LRP6: variants seen among roughly 807,000 people sequenced by gnomAD.
LRP6 encodes low-density lipoprotein receptor-related protein 6.
In LRP6, 43 loss-of-function variants were observed where a neutral mutation model predicts 184.1. The observed-to-expected ratio is 0.23, with a 90% CI of 0.18 to 0.30. The LOEUF (loss-of-function observed/expected upper bound fraction) is 0.30, where lower values mean the gene tolerates loss of function less well. Ranked by LOEUF, LRP6 falls within the 10% of genes least tolerant of loss-of-function variation. The probability of loss-of-function intolerance (pLI) is 1.00; values close to 1 mark genes in which losing one functional copy is unlikely to be tolerated. For synonymous variants in LRP6, 719 were observed against 684.9 expected (o/e 1.05, Z -0.78); for missense variants, 1,571 against 2,005.3 (o/e 0.78, Z 4.14).
intron 12 of LRP6, 96 bp from the exon 13 acceptor site, chr12:12,151,134 A>G: frequency 1.8e-6 from 2 of 1,106,386 alleles, no homozygotes; most frequent in East Asian, 5.1e-5. Flanking sequence ...TTTCATACAA[A>G]ACAGACATAG....
chr12:12,169,234 GATA>G (rs544964479), intron 7 of LRP6, among the ~76,000 whole-genome samples: 17 of 148,732 alleles, frequency 1.1e-4, no homozygotes, highest in Non-Finnish European at 1.6e-4. Context: ...GCCTCAAAAT[GATA>G]ATAATAATAA....
chr12:12,228,777 C>T (rs77660040), intron 2 of LRP6, among the ~76,000 whole-genome samples: 2 of 152,222 alleles, frequency 1.3e-5, no homozygotes, highest in South Asian at 2.1e-4. Flanking sequence ...CCACCCACCC[C>T]GCTACTGCCC....
At chr12:12,125,256 T>G (rs973464461) in intron 21 of LRP6, 40 bp downstream of exon 21, 1 of 1,610,952 alleles carries the variant, frequency 6.2e-7, no homozygotes, top group Non-Finnish European at 8.5e-7. Context: ...AAATCTAAGA[T>G]CTTATGTATG....
chr12:12,196,357 C>G (rs1373650172), intron 3 of LRP6, among the ~76,000 whole-genome samples: 1 of 151,872 alleles, frequency 6.6e-6, no homozygotes, highest in Non-Finnish European at 1.5e-5. Flanking sequence ...GTATGTATCC[C>G]TCTTCAATTT....
intron 2 of LRP6, among the ~76,000 whole-genome samples, chr12:12,203,717 G>T (rs1863976319): frequency 6.6e-6 from 1 of 152,094 alleles, no homozygotes; most frequent in Non-Finnish European, 1.5e-5. Context: ...GCAGTAAGCT[G>T]AGATTGTGCT....
At chr12:12,192,347 C>T (rs1301213331) in intron 3 of LRP6, among the ~76,000 whole-genome samples, 1 of 146,338 alleles carries the variant, frequency 6.8e-6, no homozygotes, top group African/African-American at 2.5e-5. Flanking sequence ...CTACTTAATA[C>T]AAAGGACAAA....
chr12:12,198,530 C>CTTTTTTTTTTTT (rs56150307), intron 3 of LRP6, among the ~76,000 whole-genome samples: 3 of 76,994 alleles, frequency 3.9e-5, no homozygotes, highest in East Asian at 4.1e-4. Flanking sequence ...GAATTTTTCT[C>CTTTTTTTTTTTT]TTTTTTTTTT....
intron 2 of LRP6, among the ~76,000 whole-genome samples, chr12:12,240,049 CAA>C (rs111794052): frequency 2.6e-5 from 4 of 151,068 alleles, no homozygotes; most frequent in Admixed American, 6.6e-5. Flanking sequence ...CACACACACA[CAA>C]AGAGACACAC....
intron 9 of LRP6, among the ~76,000 whole-genome samples, chr12:12,163,555 G>A (rs969151067): frequency 5.9e-5 from 9 of 152,148 alleles, no homozygotes; most frequent in African/African-American, 1.9e-4. Context: ...ATTCTAGGAA[G>A]AAGAAAATAA....
At chr12:12,202,773 T>C (rs1032141083) in intron 3 of LRP6, among the ~76,000 whole-genome samples, 1 of 152,186 alleles carries the variant, frequency 6.6e-6, no homozygotes, top group African/African-American at 2.4e-5. Flanking sequence ...ACTGGTAATT[T>C]TGAGTGGGAC....
chr12:12,265,656 G>A (rs1008647411), intron 1 of LRP6, among the ~76,000 whole-genome samples: 1 of 152,088 alleles, frequency 6.6e-6, no homozygotes, highest in African/African-American at 2.4e-5. Context: ...CCACCGTATC[G>A]AGCAGTACTT....
chr12:12,183,416 C>G (rs896365144), intron 5 of LRP6, among the ~76,000 whole-genome samples: 1 of 152,178 alleles, frequency 6.6e-6, no homozygotes, highest in Non-Finnish European at 1.5e-5. Context: ...AACGTGCCCT[C>G]TCTCTATAGG....
chr12:12,257,584 G>GA (rs369886658), intron 1 of LRP6, among the ~76,000 whole-genome samples: 8,927 of 62,398 alleles, frequency 0.14, 671 homozygotes, highest in African/African-American at 0.27. Context: ...CCCTCTCAAG[G>GA]AAAAAAAAAA....
chr12:12,147,681 G>GT (rs1555106238), intron 14 of LRP6, 125 bp from the exon 15 acceptor site: 1 of 834,114 alleles, frequency 1.2e-6, no homozygotes, highest in Admixed American at 2.3e-5. Flanking sequence ...TTTAAAATAC[G>GT]TATTTTTTGA....
intron 1 of LRP6, among the ~76,000 whole-genome samples, chr12:12,263,627 G>C (rs931241096): frequency 2.0e-5 from 3 of 150,900 alleles, no homozygotes; most frequent in Non-Finnish European, 4.4e-5. Flanking sequence ...AGGATCACTT[G>C]AGCCCAGGAG....
At position 12,132,026 on chromosome 12, in the gene LRP6, A is replaced by C. The variant is rs1463006595; in HGVS notation, c.3765T>G (p.Thr1255=). The change falls in exon 18 of 23, where the codon ACT becomes ACG. Residue 1255 remains threonine (T), a synonymous_variant. Coordinates refer to ENST00000261349, the MANE Select transcript of LRP6 (RefSeq NM_002336.3). ...EPPTCSPQQF[T]CFTGEIDCIP... ...TACAGTCAATTTCCCCCGTGAAACA[A>C]GTAAACTGCTGAGGAGAACATGTTG... The C allele has an allele frequency of 6.2e-7, 1 of 1,614,044 alleles. No individual in the cohort carries two copies. The highest frequency in any genetic ancestry group is 8.5e-7 in the Non-Finnish European group (1 of 1,180,006).
chr12:12,175,515 G>A (rs922836916), intron 7 of LRP6, among the ~76,000 whole-genome samples: 13 of 151,520 alleles, frequency 8.6e-5, no homozygotes, highest in Non-Finnish European at 1.2e-4. Context: ...GTGAAACCCC[G>A]TCTCTACTAA....
intron 22 of LRP6, 65 bp downstream of exon 22, chr12:12,124,500 C>T: frequency 8.8e-7 from 1 of 1,139,180 alleles, no homozygotes; most frequent in Non-Finnish European, 1.3e-6. Context: ...GGGGCTATAT[C>T]AGGTCCACAA....
chr12:12,201,157 C>T (rs571531661), intron 3 of LRP6, among the ~76,000 whole-genome samples: 95 of 152,208 alleles, frequency 6.2e-4, no homozygotes, highest in Middle Eastern at 3.4e-3. Flanking sequence ...GTTGATCTTC[C>T]CATCTTTATC....
Sources: allele counts gnomAD v4.1 joint callset (sites outside exome capture counted in the v4.1 genomes callset), GRCh38; gene constraint gnomAD v4.1.1; transcripts MANE v1.5; gene names NCBI Gene and HGNC (gene_info 2026-07-23, HGNC 2026-07-21).